HEATR4: variants seen among roughly 807,000 people sequenced by gnomAD.
HEATR4 encodes HEAT repeat-containing protein 4.
In HEATR4, 95 loss-of-function variants were observed where a neutral mutation model predicts 108.8. The observed-to-expected ratio is 0.87, with a 90% confidence interval of 0.74 to 1.04. HEATR4 has a LOEUF of 1.04. Ranked by LOEUF, HEATR4 falls within the 50% of genes least tolerant of loss-of-function variation. The pLI is 0.00. For synonymous variants in HEATR4, 443 were observed against 459.4 expected, an observed-to-expected ratio of 0.96 and a Z score of 0.46; for missense variants, 1,152 against 1,253.8, an observed-to-expected ratio of 0.92 and a Z score of 1.23.
At chr14:73,515,068 CAA>C (rs57176723) in intron 5 of HEATR4, among the ~76,000 whole-genome samples, 2 of 110,642 alleles carry the variant, frequency 1.8e-5, no homozygotes, top group Admixed American at 1.1e-4. Flanking sequence ...ACTCCGTTCT[CAA>C]AAAAAAAAAA....
rs368447512 is a variant in HEATR4, at chr14:73,492,144, A to G, written c.2844+922T>C. The G allele has an allele frequency of 3.3e-4, 533 of 1,613,798 alleles. 2 individuals are homozygous for G. Among genetic ancestry groups the G allele is most frequent in the Non-Finnish European group, 4.2e-4 (496 of 1,179,824 alleles). On this transcript the variant is annotated intron_variant, in intron 17 of 17. Transcript: ENST00000553558. This position sits in a 1 kb window ranked among gnomAD's most constrained non-coding sequence, Gnocchi z 4.9. ...GAACTGGCTCTGACATCCAGCCCCA[A>G]CTTCAGTCAGGACGACCTCGGTGAG...
intron 5 of HEATR4, among the ~76,000 whole-genome samples, chr14:73,517,081 G>A (rs1887648719): frequency 6.6e-6 from 1 of 152,094 alleles, no homozygotes; most frequent in African/African-American, 2.4e-5. Flanking sequence ...AGGAGTTCGA[G>A]ACCAGTCTGG....
At chr14:73,619,271 AAGG>A in the HEATR4 span, 1 of 1,599,626 alleles carries the variant, frequency 6.3e-7, no homozygotes, top group Non-Finnish European at 8.5e-7. Context: ...GGATTTTCCA[AAGG>A]AGGTGACCTG....
chr14:73,479,935 G>A (rs1173979248), intron 17 of HEATR4, among the ~76,000 whole-genome samples: 3 of 152,032 alleles, frequency 2.0e-5, no homozygotes, highest in Non-Finnish European at 4.4e-5. Context: ...GCCTACTCTG[G>A]CTTGAAAAGC....
intron 17 of HEATR4, among the ~76,000 whole-genome samples, chr14:73,486,544 A>G (rs1885460411): frequency 6.6e-6 from 1 of 152,018 alleles, no homozygotes; most frequent in African/African-American, 2.4e-5. Flanking sequence ...GTGAAAATAC[A>G]AAAATTAGCC....
the HEATR4 span, among the ~76,000 whole-genome samples, chr14:73,566,979 AT>A: frequency 1.3e-5 from 2 of 150,980 alleles, no homozygotes; most frequent in Non-Finnish European, 3.0e-5. Flanking sequence ...AATTTCTTGT[AT>A]TTTTTTTTAG....
intron 1 of HEATR4, among the ~76,000 whole-genome samples, chr14:73,531,773 C>A (rs1461236445): frequency 8.9e-6 from 1 of 112,716 alleles, no homozygotes; most frequent in African/African-American, 2.9e-5. Flanking sequence ...GTAATCCCAG[C>A]AACTTGGGAG....
the HEATR4 span, chr14:73,591,865 G>A: frequency 5.5e-4 from 677 of 1,222,132 alleles, 2 homozygotes; most frequent in African/African-American, 9.8e-3. Context: ...CCGGCACCAG[G>A]GGACGCCGGA....
chr14:73,515,246 C>T (rs779815277), intron 5 of HEATR4, among the ~76,000 whole-genome samples: 1 of 152,172 alleles, frequency 6.6e-6, no homozygotes, highest in African/African-American at 2.4e-5. Flanking sequence ...CTATTAGTCT[C>T]ATGTTCTAAT....
chr14:73,499,707 A>G (rs1439324387), intron 12 of HEATR4, among the ~76,000 whole-genome samples: 1 of 152,106 alleles, frequency 6.6e-6, no homozygotes, highest in Non-Finnish European at 1.5e-5. Context: ...GAACACTTCA[A>G]ACAGATTTTT....
At chr14:73,565,387 C>T in the HEATR4 span, among the ~76,000 whole-genome samples, 6 of 146,300 alleles carry the variant, frequency 4.1e-5, no homozygotes, top group African/African-American at 1.5e-4. Flanking sequence ...TTTTTCTTTT[C>T]CTTTTTTTTT....
the HEATR4 span, among the ~76,000 whole-genome samples, chr14:73,579,975 G>A: frequency 4.9e-4 from 74 of 152,164 alleles, no homozygotes; most frequent in African/African-American, 1.7e-3. Context: ...GTGTGCACCT[G>A]TAGTCCCAGC....
the HEATR4 span, among the ~76,000 whole-genome samples, chr14:73,578,468 G>A: frequency 3.9e-5 from 6 of 151,950 alleles, no homozygotes; most frequent in African/African-American, 1.2e-4. Flanking sequence ...GGCTCAAGCA[G>A]TCTGTCCATC....
intron 1 of HEATR4, among the ~76,000 whole-genome samples, chr14:73,547,805 G>C (rs1889257889): frequency 8.7e-6 from 1 of 115,134 alleles, no homozygotes; most frequent in African/African-American, 2.8e-5. Flanking sequence ...TGAATCGCTT[G>C]AACCTGGGAG....
Position 73,514,146 on chromosome 14 carries a change from C to A in HEATR4, c.1299G>T (p.Val433=). The change falls in exon 6 of 18, where the codon GTG becomes GTT. Residue 433 remains valine (V), a synonymous_variant. Transcript: ENST00000553558. ...DMLLQVGEKD[V]PIKTRRLKKQ... is the part of the protein sequence containing the mutation. ...TCTTCAATCTCCTGGTCTTAATAGGCACATCCTTCTCACCCACCTGCAGCA... is the reference window on the plus strand; with the variant it reads ...TCTTCAATCTCCTGGTCTTAATAGGAACATCCTTCTCACCCACCTGCAGCA... 1 of 1,614,206 alleles carries A rather than the reference C, an allele frequency of 6.2e-7. No individual in the cohort carries two copies. The highest frequency in any genetic ancestry group is 8.5e-7 in the Non-Finnish European group (1 of 1,180,034).
At chr14:73,583,837 TAA>T in the HEATR4 span, among the ~76,000 whole-genome samples, 1,918 of 151,908 alleles carry the variant, frequency 0.013, 43 homozygotes, top group African/African-American at 0.044. Context: ...CCGTCTCTAC[TAA>T]AAATACAAAA....
At chr14:73,573,446 GTATC>G in the HEATR4 span, 1 of 1,613,662 alleles carries the variant, frequency 6.2e-7, no homozygotes, top group Non-Finnish European at 8.5e-7. Context: ...GCCTGCTGGA[GTATC>G]GGGCTAGTCT....
At chr14:73,593,712 C>G in the HEATR4 span, 3 of 1,610,556 alleles carry the variant, frequency 1.9e-6, no homozygotes, top group Non-Finnish European at 2.5e-6. Flanking sequence ...GACCTGGACC[C>G]TTCCCAGGGA....
rs1889300445 is a variant in HEATR4 at position 73,550,367 on chromosome 14, G to C, written c.-152+8384C>G. Among the ~76,000 whole-genome samples, 3 of 108,650 alleles carry C rather than the reference G, an allele frequency of 2.8e-5. 1 individual carries two copies. Among genetic ancestry groups the C allele is most frequent in the Admixed American group, 2.1e-4 (2 of 9,410 alleles). 71.3% of individuals were successfully genotyped at this position (108,650 alleles called of 152,430 possible). On this transcript the variant is annotated intron_variant, in intron 1 of 17. Transcript: ENST00000553558. ...TCTTCATTAGGGAATTTCCCCCATA[G>C]ACAGCATGAGCATTTTGATTTTACC...
Sources: allele counts gnomAD v4.1 joint callset (sites outside exome capture counted in the v4.1 genomes callset), GRCh38; gene constraint gnomAD v4.1.1; non-coding constraint Gnocchi (gnomAD v3.1); transcripts MANE v1.5; gene names NCBI Gene and HGNC (gene_info 2026-07-23, HGNC 2026-07-21).